The following LMBR1L variants were observed in gnomAD, a reference collection of about 807,000 sequenced individuals.
LMBR1L encodes protein LMBR1L.
Under a neutral mutation model 67.3 loss-of-function variants are expected in LMBR1L, and 47 were observed. The observed-to-expected ratio is 0.70, with a 90% CI of 0.55 to 0.89. The LOEUF is 0.89. Among genes scored for constraint, LMBR1L ranks in the 40% least tolerant of loss-of-function variants. The pLI, the probability that LMBR1L is intolerant of heterozygous loss-of-function variation, is 0.00. For synonymous variants in LMBR1L, 247 were observed against 250.3 expected, an observed-to-expected ratio of 0.99 and a Z score of 0.13; for missense variants, 533 against 599.2, an observed-to-expected ratio of 0.89 and a Z score of 1.15.
At position 49,104,549 on chromosome 12, in the gene LMBR1L, G is replaced by A; in HGVS notation, c.334C>T (p.Leu112Phe). 1 of 1,612,576 alleles carries A rather than the reference G, an allele frequency of 6.2e-7. No homozygotes were observed. Among genetic ancestry groups the A allele is most frequent in the Non-Finnish European group, 8.5e-7 (1 of 1,178,680 alleles). ...QWLNGSLIHG[L>F]WNLVFLFSNL... Reference sequence around the variant, plus strand: ...GAGAAGAGAAAAACAAGGTTCCAGAGGCCTAGAGCAAAAAAGGAAGAGCAG... The same window carrying A: ...GAGAAGAGAAAAACAAGGTTCCAGAAGCCTAGAGCAAAAAAGGAAGAGCAG... Residue 112 changes from leucine (L) to phenylalanine (F), a missense_variant and splice_region_variant, in exon 5 of 17, where the codon CTC (leucine) becomes TTC (phenylalanine). Physicochemically the swap from Leu to Phe is conservative, Grantham distance 22. This residue lies in a region of LMBR1L where 246 missense variants were observed against 249.0 expected (regional missense o/e 0.99). Coordinates refer to ENST00000267102, the MANE Select transcript of LMBR1L (RefSeq NM_018113.4).
At chr12:49,101,081 A>G in intron 13 of LMBR1L, 169 bp downstream of exon 13, 1 of 1,449,436 alleles carries the variant, frequency 6.9e-7, no homozygotes, top group South Asian at 1.4e-5. Flanking sequence ...CCTCCTTTCA[A>G]ATTAAGTCTT....
intron 1 of LMBR1L, among the ~76,000 whole-genome samples, chr12:49,108,312 C>G (rs1941150053): frequency 6.6e-6 from 1 of 150,960 alleles, no homozygotes; most frequent in Non-Finnish European, 1.5e-5. Context: ...GCCTATAATC[C>G]CAGCATTTTG....
intron 8 of LMBR1L, 65 bp downstream of exon 8, chr12:49,102,822 T>C: frequency 1.4e-6 from 2 of 1,460,602 alleles, no homozygotes; most frequent in South Asian, 1.1e-5. Flanking sequence ...GGTTGTTTCA[T>C]TGTTTGGTTC....
In LMBR1L at chr12:49,104,460, A is replaced by C; in HGVS notation, c.423T>G (p.Ala141=). ...AYFFTESEGF[A]GSRKGVLGRV... ...ATCCCCTACTTACCTTTCTGGAGCCAGCAAAGCCCTCAGACTCAGTGAAGA... is the reference window on the plus strand; with the variant it reads ...ATCCCCTACTTACCTTTCTGGAGCCCGCAAAGCCCTCAGACTCAGTGAAGA... Residue 141 remains alanine (A), a synonymous_variant, in exon 5 of 17, where the codon GCT becomes GCG. Coordinates refer to ENST00000267102, the MANE Select transcript of LMBR1L (RefSeq NM_018113.4). The C allele has an allele frequency of 6.2e-7, 1 of 1,611,306 alleles. No homozygotes were observed. The highest frequency in any genetic ancestry group is 8.5e-7 in the Non-Finnish European group (1 of 1,177,430).
Position 49,097,562 on chromosome 12 carries a change from C to A in LMBR1L, c.*110G>T. 8.9e-7 allele frequency: 1 copy of A among 1,118,362 alleles called. No individual in the cohort carries two copies. Among genetic ancestry groups the A allele is most frequent in the Non-Finnish European group, 1.3e-6 (1 of 744,486 alleles). The allele number at this position is 1,118,362 out of a possible 1,614,324, so 69.3% of individuals were successfully genotyped here. A position where few individuals can be genotyped will look rare whatever the true frequency, so the allele number is the denominator to read the frequency against. On this transcript the variant is annotated 3_prime_UTR_variant, in exon 17 of 17. Coordinates refer to ENST00000267102, the MANE Select transcript of LMBR1L (RefSeq NM_018113.4). ...AGATGGCTCTGCTCCCCTCTGCCAC[C>A]CACCCTCTCAGATTCCAGGTCCTGA...
intron 15 of LMBR1L, among the ~76,000 whole-genome samples, chr12:49,099,378 G>T (rs1250737765): frequency 2.6e-5 from 4 of 151,686 alleles, no homozygotes; most frequent in Middle Eastern, 3.4e-3. Context: ...TGACCTCCTG[G>T]CCTCAAGCTG....
Position 49,104,895 on chromosome 12 carries a change from G to A in LMBR1L, c.192-10C>T, listed in dbSNP as rs372974262. On this transcript the variant is annotated splice_polypyrimidine_tract_variant and intron_variant, in intron 3 of 16. Coordinates refer to ENST00000267102, the MANE Select transcript of LMBR1L (RefSeq NM_018113.4). ...GGTGCACAGCTCGAGCCTGGGCAGA[G>A]AAGGGGACAGTGTCCTTGCTTAGCT... is the stretch of plus-strand genomic sequence containing the variant. 4.0e-5 allele frequency: 65 copies of A among 1,606,960 alleles called. No homozygotes were observed. The highest frequency in any genetic ancestry group is 5.5e-5 in the Non-Finnish European group (65 of 1,177,308).
At chr12:49,100,074 T>C (rs1354506377) in intron 15 of LMBR1L, among the ~76,000 whole-genome samples, 1 of 152,202 alleles carries the variant, frequency 6.6e-6, no homozygotes, top group Non-Finnish European at 1.5e-5. Context: ...TCTCTGTTTA[T>C]TGTCTTTCAA....
Position 49,102,195 on chromosome 12 carries a change from C to T in LMBR1L, c.855G>A (p.Glu285=), listed in dbSNP as rs374001119. 6 of 1,614,182 alleles carry T rather than the reference C, an allele frequency of 3.7e-6. No homozygotes were observed. Among genetic ancestry groups the T allele is most frequent in the Non-Finnish European group, 5.1e-6 (6 of 1,180,012 alleles). ...GCCAGGCTGAAGCCTTCCGCCTCTT[C>T]TCTGTGCAGGGATGGGAGGCTGTCA... is the stretch of plus-strand genomic sequence containing the variant. ...LALQTQRVLL[E]KRRKASAWQR... Residue 285 remains glutamate, a splice_region_variant and synonymous_variant, in exon 11 of 17, where the codon GAG becomes GAA. Transcript: ENST00000267102.
At chr12:49,101,852 ATTATT>A in intron 11 of LMBR1L, 1 of 580,514 alleles carries the variant, frequency 1.7e-6, no homozygotes. Flanking sequence ...TTCAATGTTT[ATTATT>A]TTAATGCCAG....
Position 49,102,162 on chromosome 12 carries a change from G to A in LMBR1L, c.888C>T (p.Asn296=), listed in dbSNP as rs1440509753. The A allele has an allele frequency of 1.9e-6, 3 of 1,614,174 alleles. No individual in the cohort carries two copies. In the East Asian group the frequency reaches 6.7e-5, roughly 36 times the overall value. ...ACAGCATAGCCAGGGGGTAGCCCAG[G>A]TTCCGTTGCCAGGCTGAAGCCTTCC... ...KRRKASAWQR[N]LGYPLAMLCL... The change falls in exon 11 of 17, where the codon AAC becomes AAT. Residue 296 remains asparagine, a synonymous_variant. Transcript: ENST00000267102.
rs1940846222 is a variant in LMBR1L at position 49,105,956 on chromosome 12, C to T, written c.159G>A (p.Val53=). Residue 53 remains valine, a splice_region_variant and synonymous_variant, in exon 3 of 17, where the codon GTG becomes GTA. Transcript: ENST00000267102. ...RFKKPAEFTT[V]DDEDATVNKI... is the part of the protein sequence containing the mutation. ...TGTTGACGGTGGCATCTTCATCATC[C>T]ACTGTAAGAGACAGAGGCACGGGGA... 1 of 1,612,968 alleles carries T rather than the reference C, an allele frequency of 6.2e-7. No individual in the cohort carries two copies. Among genetic ancestry groups the T allele is most frequent in the Non-Finnish European group, 8.5e-7 (1 of 1,179,674 alleles).
chr12:49,105,010 G>T (rs1940720986), intron 3 of LMBR1L, 125 bp from the exon 4 acceptor site: 4 of 1,079,248 alleles, frequency 3.7e-6, no homozygotes, highest in Non-Finnish European at 5.3e-6. Context: ...ACAGAGCTAA[G>T]GAAGGAGCTG....
At chr12:49,098,427 A>C (rs1471869334) in intron 15 of LMBR1L, among the ~76,000 whole-genome samples, 1 of 152,082 alleles carries the variant, frequency 6.6e-6, no homozygotes, top group Non-Finnish European at 1.5e-5. Context: ...AGTTTTTTTT[A>C]GTAGACAGAA....
At chr12:49,108,993 A>G (rs2121079775) in intron 1 of LMBR1L, among the ~76,000 whole-genome samples, 1 of 152,310 alleles carries the variant, frequency 6.6e-6, no homozygotes, top group African/African-American at 2.4e-5. Flanking sequence ...CTCAGATTGT[A>G]GCTGCAAGAT....
intron 1 of LMBR1L, among the ~76,000 whole-genome samples, chr12:49,108,834 T>G (rs760005299): frequency 6.6e-6 from 1 of 152,184 alleles, no homozygotes; most frequent in Non-Finnish European, 1.5e-5. Flanking sequence ...CTCATGGGTC[T>G]TCCAGTCTCC....
At chr12:49,107,958 G>A (rs1366968454) in intron 1 of LMBR1L, among the ~76,000 whole-genome samples, 5 of 151,850 alleles carry the variant, frequency 3.3e-5, no homozygotes, top group Non-Finnish European at 4.4e-5. Context: ...GTGAAACCCC[G>A]TCTCTATTAA....
intron 15 of LMBR1L, 79 bp downstream of exon 15, chr12:49,100,309 A>C: frequency 9.5e-7 from 1 of 1,055,106 alleles, no homozygotes; most frequent in Non-Finnish European, 1.5e-6. Context: ...TAGAGAAATT[A>C]TGTATATAAA....
In LMBR1L at chr12:49,110,344, C is replaced by T; in HGVS notation, c.72+140G>A. 5.2e-6 allele frequency: 4 copies of T among 774,678 alleles called. No individual in the cohort carries two copies. The Admixed American group carries it at 7.6e-5, about 15-fold the overall frequency. 48.0% of individuals were successfully genotyped at this position (774,678 alleles called of 1,614,324 possible). ...GGGGATCGCTAGCCGGGCACCCGCCCTTCTGCCCGGACGGAGGCCTCCGTC... is the reference window on the plus strand; with the variant it reads ...GGGGATCGCTAGCCGGGCACCCGCCTTTCTGCCCGGACGGAGGCCTCCGTC... On this transcript the variant is annotated intron_variant, in intron 1 of 16. Coordinates refer to ENST00000267102, the MANE Select transcript of LMBR1L (RefSeq NM_018113.4).
Sources: allele counts gnomAD v4.1 joint callset (sites outside exome capture counted in the v4.1 genomes callset), GRCh38; gene constraint gnomAD v4.1.1; regional missense constraint gnomAD v4.1.1; transcripts MANE v1.5; gene names NCBI Gene and HGNC (gene_info 2026-07-23, HGNC 2026-07-21).